Variants in PATJ observed in about 807,000 individuals in gnomAD.
PATJ encodes inaD-like protein.
PATJ carries 190 observed loss-of-function variants against 224.9 expected under a neutral mutation model. The ratio of observed to expected loss-of-function variants is 0.84; its 90% CI spans 0.75 to 0.95. The LOEUF (loss-of-function observed/expected upper bound fraction) is 0.95, where lower values mean the gene tolerates loss of function less well. Among genes scored for constraint, PATJ ranks in the 40% least tolerant of loss-of-function variants. PATJ has a pLI of 0.00. For missense variants in PATJ, 2,121 were observed against 2,270.3 expected, an observed-to-expected ratio of 0.93 and a Z score of 1.34; for synonymous variants, 769 against 820.3, an observed-to-expected ratio of 0.94 and a Z score of 1.07.
At chr1:62,028,964 A>ATACATACATACATAC in intron 29 of PATJ, among the ~76,000 whole-genome samples, 1 of 147,550 alleles carries the variant, frequency 6.8e-6, no homozygotes, top group South Asian at 2.2e-4. Context: ...CCTGTCTCAA[A>ATACATACATACATAC]ATACATACAT....
intron 31 of PATJ, among the ~76,000 whole-genome samples, chr1:62,068,872 G>A (rs1334620778): frequency 6.6e-6 from 1 of 152,134 alleles, no homozygotes; most frequent in Non-Finnish European, 1.5e-5. Context: ...GAAATGAGAT[G>A]ACCTTTCTAC....
Position 62,109,016 on chromosome 1 carries a change from A to G in PATJ, c.4461+496A>G, listed in dbSNP as rs745728877. Among the ~76,000 whole-genome samples the G allele has an allele frequency of 1.1e-4, 17 of 152,310 alleles. No homozygotes were observed. In the East Asian group the frequency reaches 1.3e-3, roughly 12 times the overall value. ...GATGAAAATGTAAAATCTTCCCCCT[A>G]TGATGCTTACTAAAAATTGAAATGC... On this transcript the variant is annotated intron_variant, in intron 34 of 43. Coordinates refer to ENST00000642238, the MANE Select transcript of PATJ (RefSeq NM_001350145.3).
At chr1:62,117,476 T>TTTAA in intron 37 of PATJ, 1 of 1,206,544 alleles carries the variant, frequency 8.3e-7, no homozygotes, top group Non-Finnish European at 1.1e-6. Flanking sequence ...CTATATTGCC[T>TTTAA]ATGCACGCAT....
chr1:61,871,328 C>A (rs773045511), intron 20 of PATJ, among the ~76,000 whole-genome samples: 3 of 122,682 alleles, frequency 2.4e-5, no homozygotes, highest in Non-Finnish European at 5.6e-5. Flanking sequence ...TCTCCTGCCT[C>A]AGCCTCCCAA....
Position 62,121,182 on chromosome 1 carries a change from G to A in PATJ, c.4892G>A (p.Gly1631Asp), listed in dbSNP as rs776193374. ...SARTTSQNSQ[G>D]SQQSAHSSCH... The stretch of plus-strand genomic sequence containing the variant: ...GTGACCCCTGGGTCTTTCTTTCAGG[G>A]TAGTCAGCAGAGTGCACACAGCAGC... Residue 1631 changes from glycine to aspartate, a missense_variant and splice_region_variant, in exon 38 of 44, where the codon GGT (glycine) becomes GAT (aspartate). Coordinates refer to ENST00000642238, the MANE Select transcript of PATJ (RefSeq NM_001350145.3). 2 of 1,609,118 alleles carry A rather than the reference G, an allele frequency of 1.2e-6. No individual in the cohort carries two copies. Among genetic ancestry groups the A allele is most frequent in the Non-Finnish European group, 1.7e-6 (2 of 1,176,710 alleles).
chr1:62,071,751 T>G (rs58247741), intron 31 of PATJ, among the ~76,000 whole-genome samples: 1 of 152,322 alleles, frequency 6.6e-6, no homozygotes, highest in African/African-American at 2.4e-5. Flanking sequence ...CCTCCCAAAG[T>G]GCTGGGATTA....
intron 14 of PATJ, among the ~76,000 whole-genome samples, chr1:61,811,123 C>T (rs1406070855): frequency 6.6e-6 from 1 of 152,170 alleles, no homozygotes; most frequent in Non-Finnish European, 1.5e-5. Context: ...ATACCTGCCT[C>T]ATAGATTTAT....
intron 29 of PATJ, among the ~76,000 whole-genome samples, chr1:62,031,949 A>G (rs1407183917): frequency 2.0e-5 from 3 of 152,200 alleles, no homozygotes; most frequent in Non-Finnish European, 4.4e-5. Context: ...TCCGGTGACC[A>G]TGTTTTCCAA....
At chr1:62,149,196 A>G (rs970123658) in intron 42 of PATJ, among the ~76,000 whole-genome samples, 2 of 151,562 alleles carry the variant, frequency 1.3e-5, no homozygotes, top group East Asian at 3.9e-4. Flanking sequence ...CCCAGGCCAC[A>G]TCCCAAAATT....
intron 27 of PATJ, among the ~76,000 whole-genome samples, chr1:61,983,939 C>T (rs1343436463): frequency 6.6e-6 from 1 of 151,536 alleles, no homozygotes; most frequent in African/African-American, 2.4e-5. Context: ...GTCATCCCAC[C>T]TCAGCCTCCC....
rs1230287008 is a variant in PATJ, at chr1:62,148,353, G to C, written c.5341G>C (p.Gly1781Arg). ...LENMSTGYHL[G>R]SPTAEHHPED... ...AAACATGTCTACAGGCTACCACCTT[G>C]GTTCGCCCACTGCTGAACACCATCC... Residue 1781 changes from glycine (G) to arginine (R), a missense_variant, in exon 42 of 44, where the codon GGT becomes CGT. By Grantham distance (125) the Gly-to-Arg change is moderately radical. Coordinates refer to ENST00000642238, the MANE Select transcript of PATJ (RefSeq NM_001350145.3). The C allele has an allele frequency of 2.5e-6, 4 of 1,613,946 alleles. No homozygotes were observed. The highest frequency in any genetic ancestry group is 1.7e-5 in the Admixed American group (1 of 59,984).
chr1:61,911,815 C>T (rs894677884), intron 25 of PATJ, among the ~76,000 whole-genome samples: 90 of 148,550 alleles, frequency 6.1e-4, no homozygotes, highest in African/African-American at 2.1e-3. Flanking sequence ...CTGTAAACCC[C>T]ACCAGTCTTT....
intron 33 of PATJ, among the ~76,000 whole-genome samples, chr1:62,106,754 C>A (rs560535158): frequency 6.6e-6 from 1 of 152,096 alleles, no homozygotes; most frequent in Non-Finnish European, 1.5e-5. Context: ...CATCATCAAG[C>A]CTATTCTTGG....
intron 17 of PATJ, among the ~76,000 whole-genome samples, chr1:61,845,541 A>T (rs913222306): frequency 6.6e-6 from 1 of 152,014 alleles, no homozygotes; most frequent in Admixed American, 6.6e-5. Flanking sequence ...CATAATTTTT[A>T]TTTATTTATT....
chr1:61,967,014 C>T (rs913060783), intron 27 of PATJ, among the ~76,000 whole-genome samples: 1 of 152,150 alleles, frequency 6.6e-6, no homozygotes, highest in Non-Finnish European at 1.5e-5. Context: ...TTGTGCTGAC[C>T]TGTCTCATCC....
chr1:61,846,722 G>T (rs1283872853), intron 17 of PATJ, among the ~76,000 whole-genome samples: 2 of 152,082 alleles, frequency 1.3e-5, no homozygotes, highest in Non-Finnish European at 2.9e-5. Context: ...TCAGCCTCGC[G>T]AGTAGCTGGG....
At chr1:61,870,626 T>A (rs1038955886) in intron 20 of PATJ, among the ~76,000 whole-genome samples, 1 of 152,230 alleles carries the variant, frequency 6.6e-6, no homozygotes, top group African/African-American at 2.4e-5. Context: ...TCCATTCATC[T>A]GTTGATGGAT....
chr1:62,158,624 G>C (rs1195828342), intron 43 of PATJ, among the ~76,000 whole-genome samples: 2 of 148,310 alleles, frequency 1.3e-5, no homozygotes, highest in African/African-American at 2.4e-5. Flanking sequence ...GGGAGGCTGA[G>C]GCAGGAGAAT....
intron 4 of PATJ, 74 bp downstream of exon 4, chr1:61,766,547 C>A: frequency 9.8e-7 from 1 of 1,019,682 alleles, no homozygotes; most frequent in Non-Finnish European, 1.4e-6. Context: ...AGCTTATACT[C>A]ATTCTTTTTG....
Sources: gnomAD v4.1 joint callset for allele counts (sites outside exome capture counted in the v4.1 genomes callset) on GRCh38, gnomAD v4.1.1 for gene constraint, MANE v1.5 for transcripts, NCBI Gene and HGNC (gene_info 2026-07-23, HGNC 2026-07-21) for gene names.